Variants in PDE10A observed in about 807,000 individuals in gnomAD.
The protein encoded by PDE10A is cAMP and cAMP-inhibited cGMP 3',5'-cyclic phosphodiesterase 10A.
PDE10A carries 39 observed loss-of-function variants against 97.7 expected under a neutral mutation model. The observed-to-expected ratio is 0.40, with a 90% CI of 0.31 to 0.52. The LOEUF is 0.52. Ranked by LOEUF, PDE10A falls within the 20% of genes least tolerant of loss-of-function variation. The pLI is 0.56. For synonymous variants in PDE10A, 371 were observed against 376.8 expected (o/e 0.98, Z 0.18); for missense variants, 731 against 1,047.8 (o/e 0.70, Z 4.17).
At chr6:165,616,355 C>A (rs1262465135) in intron 1 of PDE10A, among the ~76,000 whole-genome samples, 1 of 152,150 alleles carries the variant, frequency 6.6e-6, no homozygotes, top group Non-Finnish European at 1.5e-5. Flanking sequence ...GAACAGTCTT[C>A]AGCAGCCATT....
intron 1 of PDE10A, among the ~76,000 whole-genome samples, chr6:165,737,816 G>A (rs759965982): frequency 5.3e-5 from 8 of 152,058 alleles, no homozygotes; most frequent in Non-Finnish European, 7.4e-5. Context: ...AATTAGGCAA[G>A]AAAAAGGAAT....
At chr6:165,740,209 CTAAG>C (rs1347143485) in intron 1 of PDE10A, among the ~76,000 whole-genome samples, 1 of 151,820 alleles carries the variant, frequency 6.6e-6, no homozygotes, top group Non-Finnish European at 1.5e-5. Flanking sequence ...TGAAATGAAC[CTAAG>C]TGTCAACAGA....
intron 2 of PDE10A, among the ~76,000 whole-genome samples, chr6:165,536,933 T>C (rs1783123630): frequency 6.6e-6 from 1 of 151,996 alleles, no homozygotes; most frequent in African/African-American, 2.4e-5. Context: ...AATGCAGTGG[T>C]ACTGCTAACT....
chr6:165,885,112 G>A (rs59008905), intron 1 of PDE10A, among the ~76,000 whole-genome samples: 26,424 of 152,106 alleles, frequency 0.17, 2,699 homozygotes, highest in East Asian at 0.41. Context: ...TGTGCTTTGT[G>A]GCTTTCAGAC....
chr6:165,745,731 C>T (rs1013465738), intron 1 of PDE10A, among the ~76,000 whole-genome samples: 1 of 152,126 alleles, frequency 6.6e-6, no homozygotes, highest in African/African-American at 2.4e-5. Context: ...TTATGACATG[C>T]AATCCTCATA....
chr6:165,463,128 G>A (rs1411739802), intron 3 of PDE10A, among the ~76,000 whole-genome samples: 3 of 152,192 alleles, frequency 2.0e-5, no homozygotes, highest in Admixed American at 1.3e-4. Flanking sequence ...CAGTCTGCGA[G>A]CCACAGCCAC....
At chr6:165,987,240 C>G (rs1342911881) in intron 1 of PDE10A, among the ~76,000 whole-genome samples, 1 of 152,160 alleles carries the variant, frequency 6.6e-6, no homozygotes, top group Non-Finnish European at 1.5e-5. Flanking sequence ...TGTCAGTTGG[C>G]GCTGGGGCGG....
At chr6:165,597,057 T>C (rs1242674715) in intron 1 of PDE10A, among the ~76,000 whole-genome samples, 1 of 152,044 alleles carries the variant, frequency 6.6e-6, no homozygotes, top group Non-Finnish European at 1.5e-5. Context: ...CTTCACTCCT[T>C]TTTCTCCATA....
chr6:165,749,925 A>G (rs1163176583), intron 1 of PDE10A, among the ~76,000 whole-genome samples: 1 of 152,236 alleles, frequency 6.6e-6, no homozygotes. Context: ...AACTTTTGTG[A>G]CAAGGAAATA....
At chr6:165,939,553 T>C (rs1783443541) in intron 1 of PDE10A, 1 of 152,272 alleles carries the variant, frequency 6.6e-6, no homozygotes, top group South Asian at 2.1e-4. Context: ...TCTTTAGTGA[T>C]GATTTTTCAG....
chr6:165,581,608 A>G (rs1304806947), intron 1 of PDE10A, among the ~76,000 whole-genome samples: 2 of 152,240 alleles, frequency 1.3e-5, no homozygotes, highest in African/African-American at 4.8e-5. Context: ...TTGTTGGAGC[A>G]GCCCAAATTC....
chr6:165,685,333 G>C (rs546533183), intron 1 of PDE10A, among the ~76,000 whole-genome samples: 1 of 152,016 alleles, frequency 6.6e-6, no homozygotes, highest in South Asian at 2.1e-4. Flanking sequence ...ATGGTGGCTT[G>C]TGCAGATGAG....
chr6:165,953,857 C>A (rs114736837), intron 1 of PDE10A, among the ~76,000 whole-genome samples: 1 of 152,184 alleles, frequency 6.6e-6, no homozygotes, highest in Non-Finnish European at 1.5e-5. Context: ...CTGTATCCAC[C>A]ATTTGAGTAA....
chr6:165,714,583 C>T (rs546266393), intron 1 of PDE10A, among the ~76,000 whole-genome samples: 2 of 152,200 alleles, frequency 1.3e-5, no homozygotes, highest in Non-Finnish European at 2.9e-5. Context: ...TCCCCCTACT[C>T]GAATCCAGGC....
At chr6:165,716,501 A>G (rs1487601853) in intron 1 of PDE10A, among the ~76,000 whole-genome samples, 2 of 152,240 alleles carry the variant, frequency 1.3e-5, no homozygotes, top group Admixed American at 6.5e-5. Flanking sequence ...TAAGAAAAAG[A>G]TATTGGAGTT....
intron 19 of PDE10A, among the ~76,000 whole-genome samples, chr6:165,341,021 C>G (rs1480206077): frequency 6.6e-6 from 1 of 152,220 alleles, no homozygotes; most frequent in Non-Finnish European, 1.5e-5. Context: ...TTATTAATTA[C>G]TTTTGCACAA....
At chr6:165,945,865 A>T (rs1783748294) in intron 1 of PDE10A, among the ~76,000 whole-genome samples, 1 of 152,250 alleles carries the variant, frequency 6.6e-6, no homozygotes, top group African/African-American at 2.4e-5. Flanking sequence ...TCTACTTCAT[A>T]GATAAATAAT....
Position 165,369,719 on chromosome 6 carries a change from T to C in PDE10A, c.2783+9475A>G, listed in dbSNP as rs1253058270. Among the ~76,000 whole-genome samples the C allele has an allele frequency of 6.5e-5, 9 of 138,522 alleles. 1 individual carries two copies. Among genetic ancestry groups the C allele is most frequent in the South Asian group, 4.6e-4 (2 of 4,334 alleles). The allele number at this position is 138,522 out of a possible 152,430, so 90.9% of individuals were successfully genotyped here. A position where few individuals can be genotyped will look rare whatever the true frequency, so the allele number is the denominator to read the frequency against. ...CAGGCCAACGTTCAGGTTCAGGAAA[T>C]ACAGAGAACGCCACAAAGATACTCC... On this transcript the variant is annotated intron_variant, in intron 18 of 21. Coordinates refer to ENST00000539869, the MANE Select transcript of PDE10A (RefSeq NM_001385079.1).
At chr6:165,927,837 T>A (rs189823725) in intron 1 of PDE10A, among the ~76,000 whole-genome samples, 3 of 149,594 alleles carry the variant, frequency 2.0e-5, no homozygotes, top group Admixed American at 2.0e-4. Flanking sequence ...TCTGGGACTA[T>A]AGGTGTGCGC....
Sources: gnomAD v4.1 joint callset for allele counts (sites outside exome capture counted in the v4.1 genomes callset) on GRCh38, gnomAD v4.1.1 for gene constraint, MANE v1.5 for transcripts, NCBI Gene and HGNC (gene_info 2026-07-23, HGNC 2026-07-21) for gene names.